TET2: variants seen among roughly 807,000 people sequenced by gnomAD.
TET2 encodes the protein methylcytosine dioxygenase TET2.
A neutral mutation model predicts 142.9 loss-of-function variants in TET2; 299 were observed. That is an observed-to-expected ratio of 2.09 (90% CI 1.90 to 2.30). The LOEUF (loss-of-function observed/expected upper bound fraction) is 2.30, where lower values mean the gene tolerates loss of function less well. Among genes scored for constraint, TET2 ranks in the 30% most tolerant of loss-of-function variants. The pLI, the probability that TET2 is intolerant of heterozygous loss-of-function variation, is 0.00. For synonymous variants in TET2, 819 were observed against 849.0 expected (o/e 0.96, Z 0.61); for missense variants, 2,418 against 2,378.0 (o/e 1.02, Z -0.35).
Position 105,275,056 on chromosome 4 carries a change from C to A in TET2, c.4546C>A (p.Arg1516=), listed in dbSNP as rs370735654. 1 of 1,525,538 alleles carries A rather than the reference C, an allele frequency of 6.6e-7. No homozygotes were observed. The highest frequency in any genetic ancestry group is 8.8e-7 in the Non-Finnish European group (1 of 1,136,038). The allele number at this position is 1,525,538 out of a possible 1,614,324, so 94.5% of individuals were successfully genotyped here. ...TCTTACCCTGTCCACAGAACTTTTG[C>A]GACTTTCAGGACCAGTCATGCAGCA... ...SQAKQLAELL[R]LSGPVMQQSQ... is the part of the protein sequence containing the mutation. Residue 1516 remains arginine, a synonymous_variant, in exon 11 of 11, where the codon CGA becomes AGA. Transcript: ENST00000380013.
In TET2 at chr4:105,277,051, C is replaced by T; in HGVS notation, c.*532C>T. On this transcript the variant is annotated 3_prime_UTR_variant, in exon 11 of 11. Transcript: ENST00000380013. Reference sequence around the variant, plus strand: ...TACTGTAATCTTAACTTTTATTTATCAAAATAGCTACAGGAAACATGAATA... The same window carrying T: ...TACTGTAATCTTAACTTTTATTTATTAAAATAGCTACAGGAAACATGAATA... 4.3e-6 allele frequency: 1 copy of T among 232,298 alleles called. No homozygotes were observed. Among genetic ancestry groups the T allele is most frequent in the Non-Finnish European group, 8.5e-6 (1 of 117,660 alleles). The allele number at this position is 232,298 out of a possible 1,614,324, so 14.4% of individuals were successfully genotyped here. A position where few individuals can be genotyped will look rare whatever the true frequency, so the allele number is the denominator to read the frequency against.
chr4:105,276,288 T>C lies in TET2; in HGVS notation c.5778T>C (p.Arg1926=). ...AAGCCAAAATGGCTGAAAAAGCCCG[T>C]GAGAAAGAGGAAGAGTGTGAAAAGT... The part of the protein sequence containing the change: ...LWEAKMAEKA[R]EKEEECEKYG... The change falls in exon 11 of 11, where the codon CGT becomes CGC. Residue 1926 remains arginine, a synonymous_variant. Transcript: ENST00000380013. 1 of 1,548,504 alleles carries C rather than the reference T, an allele frequency of 6.5e-7. No individual in the cohort carries two copies. The highest frequency in any genetic ancestry group is 1.2e-5 in the South Asian group (1 of 83,978).
chr4:105,146,856 G>A (rs896829833), upstream of TET2: 2 of 152,276 alleles, frequency 1.3e-5, no homozygotes, highest in Non-Finnish European at 2.9e-5. Flanking sequence ...GAATATTGAT[G>A]CGGAGGCTAG....
intron 3 of TET2, chr4:105,240,881 C>T: frequency 9.3e-7 from 1 of 1,079,974 alleles, no homozygotes; most frequent in South Asian, 4.5e-5. Flanking sequence ...AAGGGGTATC[C>T]TTGACAATAA....
intron 1 of TET2, among the ~76,000 whole-genome samples, chr4:105,171,184 T>C (rs139925503): frequency 2.7e-4 from 41 of 152,292 alleles, no homozygotes; most frequent in African/African-American, 9.9e-4. Flanking sequence ...GTTCCATTTC[T>C]GTTTTATTCA....
intron 1 of TET2, among the ~76,000 whole-genome samples, chr4:105,160,344 G>T (rs1026574277): frequency 6.6e-6 from 1 of 151,994 alleles, no homozygotes; most frequent in East Asian, 1.9e-4. Context: ...AAAAAAAAAG[G>T]CATCAAAAAT....
At chr4:105,184,871 G>A (rs948627234) in intron 1 of TET2, among the ~76,000 whole-genome samples, 1 of 152,176 alleles carries the variant, frequency 6.6e-6, no homozygotes, top group African/African-American at 2.4e-5. Flanking sequence ...ACCACATCAA[G>A]CACAGAAGCA....
At chr4:105,222,611 A>G (rs1195154435) in intron 2 of TET2, among the ~76,000 whole-genome samples, 9 of 152,158 alleles carry the variant, frequency 5.9e-5, no homozygotes, top group Admixed American at 1.3e-4. Context: ...GATTCTGGAT[A>G]TTAGCCCTTT....
chr4:105,213,021 C>A (rs1402154695), intron 2 of TET2, among the ~76,000 whole-genome samples: 2 of 151,824 alleles, frequency 1.3e-5, no homozygotes, highest in Non-Finnish European at 2.9e-5. Flanking sequence ...TTTCCCCATT[C>A]CCCCACCCAC....
chr4:105,221,019 C>T (rs1346951152), intron 2 of TET2, among the ~76,000 whole-genome samples: 2 of 152,082 alleles, frequency 1.3e-5, no homozygotes, highest in African/African-American at 4.8e-5. Flanking sequence ...TAAGGACAAC[C>T]AGCTCACAAT....
At chr4:105,183,189 A>G (rs989964952) in intron 1 of TET2, among the ~76,000 whole-genome samples, 2 of 152,176 alleles carry the variant, frequency 1.3e-5, no homozygotes, top group Admixed American at 6.5e-5. Flanking sequence ...GAACCATGGT[A>G]GTAGACTCAT....
rs749152320 is a variant in TET2 at position 105,279,294 on chromosome 4, G to T, written c.*2775G>T. The T allele has an allele frequency of 8.6e-6, 2 of 231,860 alleles. No homozygotes were observed. The highest frequency in any genetic ancestry group is 1.1e-4 in the Admixed American group (2 of 17,736). The allele number at this position is 231,860 out of a possible 1,614,324, so 14.4% of individuals were successfully genotyped here. A position where few individuals can be genotyped will look rare whatever the true frequency, so the allele number is the denominator to read the frequency against. On this transcript the variant is annotated 3_prime_UTR_variant, in exon 11 of 11. Coordinates refer to ENST00000380013, the MANE Select transcript of TET2 (RefSeq NM_001127208.3). ...AAGAACAGGAAGTATAGTTTGGGGG[G>T]TTGGGGAGAGTTTACATAAGGAAGA...
At chr4:105,170,141 C>T (rs1724381620) in intron 1 of TET2, among the ~76,000 whole-genome samples, 1 of 152,102 alleles carries the variant, frequency 6.6e-6, no homozygotes, top group Non-Finnish European at 1.5e-5. Context: ...ATGGGAATTG[C>T]ATAGTTTATC....
In TET2 at chr4:105,234,980, AG is replaced by A; in HGVS notation, c.1039del (p.Ala347ArgfsTer25). The A allele has an allele frequency of 1.2e-6, 2 of 1,613,992 alleles. No individual in the cohort carries two copies. The highest frequency in any genetic ancestry group is 1.7e-6 in the Non-Finnish European group (2 of 1,179,952). ...ATAACATCCAGGGAACCACAAAGCTAGCGTCTGGTGAAGAATTCTGTTCAGG... is the reference window on the plus strand; with the variant it reads ...ATAACATCCAGGGAACCACAAAGCTACGTCTGGTGAAGAATTCTGTTCAGG... ...ENNIQGTTKL[A>X]SGEEFCSGSS... On this transcript the variant is annotated frameshift_variant, in exon 3 of 11. Coordinates refer to ENST00000380013, the MANE Select transcript of TET2 (RefSeq NM_001127208.3). LOFTEE classifies it high-confidence loss of function.
intron 1 of TET2, among the ~76,000 whole-genome samples, chr4:105,165,335 C>T (rs1432951506): frequency 6.6e-6 from 1 of 152,014 alleles, no homozygotes; most frequent in African/African-American, 2.4e-5. Context: ...GAGATCGTGC[C>T]ATTGCACTCC....
intron 1 of TET2, among the ~76,000 whole-genome samples, chr4:105,155,582 G>A (rs1261814282): frequency 1.3e-5 from 2 of 152,164 alleles, no homozygotes; most frequent in South Asian, 4.1e-4. Flanking sequence ...CTAACCTTAT[G>A]TAATTCTAGA....
rs1318120903 is a variant in TET2 at position 105,276,820 on chromosome 4, G to A, written c.*301G>A. 3 of 273,062 alleles carry A rather than the reference G, an allele frequency of 1.1e-5. No individual in the cohort carries two copies. Among genetic ancestry groups the A allele is most frequent in the Admixed American group, 1.1e-4 (2 of 18,584 alleles). The allele number at this position is 273,062 out of a possible 1,614,324, so 16.9% of individuals were successfully genotyped here. On this transcript the variant is annotated 3_prime_UTR_variant, in exon 11 of 11. Coordinates refer to ENST00000380013, the MANE Select transcript of TET2 (RefSeq NM_001127208.3). ...AAACACTGGTTCTATTATTGGACGAGATGATATGTAAATGTGATCCCCCCC... is the reference window on the plus strand; with the variant it reads ...AAACACTGGTTCTATTATTGGACGAAATGATATGTAAATGTGATCCCCCCC...
chr4:105,233,332 C>G (rs186372596), intron 2 of TET2, among the ~76,000 whole-genome samples: 1 of 142,086 alleles, frequency 7.0e-6, no homozygotes, highest in East Asian at 2.2e-4. Context: ...TGCAGTGAGC[C>G]AAGATTGTGC....
At chr4:105,169,046 G>T (rs1724312437) in intron 1 of TET2, among the ~76,000 whole-genome samples, 1 of 152,174 alleles carries the variant, frequency 6.6e-6, no homozygotes, top group Non-Finnish European at 1.5e-5. Flanking sequence ...TGCTATAAAT[G>T]TGTGTGCAAG....
Sources: gnomAD v4.1 joint callset for allele counts (sites outside exome capture counted in the v4.1 genomes callset) on GRCh38, gnomAD v4.1.1 for gene constraint, MANE v1.5 for transcripts, NCBI Gene and HGNC (gene_info 2026-07-23, HGNC 2026-07-21) for gene names.